MMP2: variants seen among roughly 807,000 people sequenced by gnomAD.
MMP2 encodes 72 kDa type IV collagenase.
A neutral mutation model predicts 74.8 loss-of-function variants in MMP2; 39 were observed. The ratio of observed to expected loss-of-function variants is 0.52; its 90% confidence interval spans 0.40 to 0.68. The LOEUF is 0.68. Ranked by LOEUF, MMP2 falls within the 30% of genes least tolerant of loss-of-function variation. The pLI is 0.00. For synonymous variants in MMP2, 367 were observed against 339.8 expected (o/e 1.08, Z -0.88); for missense variants, 803 against 878.3 (o/e 0.91, Z 1.08).
intron 1 of MMP2, 100 bp downstream of exon 1, chr16:55,479,732 C>T (rs1962049385): frequency 1.3e-6 from 2 of 1,505,480 alleles, no homozygotes; most frequent in South Asian, 1.2e-5. Flanking sequence ...GGGCACACAG[C>T]GTGGGGGAGG....
chr16:55,493,070 G>C, intron 8 of MMP2, 88 bp from the exon 9 acceptor site: 2 of 1,530,040 alleles, frequency 1.3e-6, no homozygotes, highest in East Asian at 2.3e-5. Flanking sequence ...CTGACTCTTA[G>C]ATGGTTGGGT....
At chr16:55,497,427 T>C (rs1342261696) in intron 10 of MMP2, among the ~76,000 whole-genome samples, 1 of 152,216 alleles carries the variant, frequency 6.6e-6, no homozygotes, top group Non-Finnish European at 1.5e-5. Flanking sequence ...AGTTCGAATG[T>C]TTTAAAGAAT....
intron 5 of MMP2, chr16:55,486,761 T>A (rs1469237611): frequency 6.6e-6 from 1 of 152,160 alleles, no homozygotes; most frequent in Non-Finnish European, 1.5e-5. Context: ...AGTCTAAAAA[T>A]TTTTAACACT....
chr16:55,500,249 A>G (rs940220771), intron 11 of MMP2, among the ~76,000 whole-genome samples: 14 of 152,050 alleles, frequency 9.2e-5, no homozygotes, highest in African/African-American at 3.1e-4. Context: ...ACACACACAC[A>G]CGCGTACTGC....
At position 55,506,521 on chromosome 16, in the gene MMP2, A is replaced by G. The variant is rs1475537367; in HGVS notation, c.*1079A>G. The G allele has an allele frequency of 6.6e-6, 1 of 152,222 alleles. No individual in the cohort carries two copies. The highest frequency in any genetic ancestry group is 1.5e-5 in the Non-Finnish European group (1 of 68,044). The allele number at this position is 152,222 out of a possible 1,614,324, so 9.4% of individuals were successfully genotyped here. A position where few individuals can be genotyped will look rare whatever the true frequency, so the allele number is the denominator to read the frequency against. On this transcript the variant is annotated 3_prime_UTR_variant, in exon 13 of 13. Transcript: ENST00000219070. ...CTTTAAGTCTGTTTCTTCATTAGCA[A>G]TCATATCAGTTTTAATGCTACTACT...
rs543065674 is a variant in MMP2 at position 55,488,601 on chromosome 16, C to T, written c.891C>T (p.Phe297=). The stretch of plus-strand genomic sequence containing the variant: ...AGCCCTGCAAGTTTCCATTCCGCTT[C>T]CAGGGCACATCCTATGACAGCTGCA... ...EGQPCKFPFR[F]QGTSYDSCTT... The change falls in exon 6 of 13, where the codon TTC becomes TTT. Residue 297 remains phenylalanine, a synonymous_variant. Coordinates refer to ENST00000219070, the MANE Select transcript of MMP2 (RefSeq NM_004530.6). 1.2e-6 allele frequency: 2 copies of T among 1,613,878 alleles called. No homozygotes were observed. The highest frequency in any genetic ancestry group is 1.7e-6 in the Non-Finnish European group (2 of 1,179,964).
At chr16:55,483,232 G>A (rs1213201839) in intron 2 of MMP2, 97 bp downstream of exon 2, 3 of 962,370 alleles carry the variant, frequency 3.1e-6, no homozygotes, top group South Asian at 1.6e-5. Flanking sequence ...TCCATGAGGT[G>A]TCTTTTGTGA....
rs531132521 is a variant in MMP2, at chr16:55,497,320, G to A, written c.1609+258G>A. Among the ~76,000 whole-genome samples, 10 of 125,606 alleles carry A rather than the reference G, an allele frequency of 8.0e-5. No individual in the cohort carries two copies. The South Asian group carries it at 8.6e-4, about 11-fold the overall frequency. The allele number at this position is 125,606 out of a possible 152,430, so 82.4% of individuals were successfully genotyped here. ...TCATTTTCTTAATTCTTTTCAATCC[G>A]TCTCATTTCTTTTCTAGAAGAAAAA... On this transcript the variant is annotated intron_variant, in intron 10 of 12. Transcript: ENST00000219070.
In MMP2 at chr16:55,505,566, C is replaced by T. The variant is rs961976369; in HGVS notation, c.*124C>T. The T allele has an allele frequency of 8.9e-6, 7 of 786,932 alleles. No individual in the cohort carries two copies. The East Asian group carries it at 1.8e-4, about 20-fold the overall frequency. The allele number at this position is 786,932 out of a possible 1,614,324, so 48.7% of individuals were successfully genotyped here. On this transcript the variant is annotated 3_prime_UTR_variant, in exon 13 of 13. Coordinates refer to ENST00000219070, the MANE Select transcript of MMP2 (RefSeq NM_004530.6). The stretch of plus-strand genomic sequence containing the variant: ...TTCAGCTCTACAGCTAATCAGCATT[C>T]TCACTCCTACCTGGTAATTTAAGAT...
chr16:55,479,469 G>A lies in MMP2; in HGVS notation c.-11G>A, dbSNP rs556985507. On this transcript the variant is annotated 5_prime_UTR_variant, in exon 1 of 13. Transcript: ENST00000219070. ...ACCCCCGGGCGACGCGCGGGGCCAG[G>A]GAGCGCTACGATGGAGGCGCTAATG... 2 of 1,540,334 alleles carry A rather than the reference G, an allele frequency of 1.3e-6. No homozygotes were observed. The highest frequency in any genetic ancestry group is 2.5e-5 in the East Asian group (1 of 40,068).
At chr16:55,483,244 G>T in intron 2 of MMP2, 109 bp downstream of exon 2, 1 of 835,262 alleles carries the variant, frequency 1.2e-6, no homozygotes, top group Admixed American at 2.6e-5. Flanking sequence ...CTTTTGTGAA[G>T]GCTTGACATC....
chr16:55,490,928 T>C (rs1962388206), intron 7 of MMP2, among the ~76,000 whole-genome samples: 1 of 152,080 alleles, frequency 6.6e-6, no homozygotes. Flanking sequence ...ACAAACCCCA[T>C]GTATTCTTTC....
chr16:55,499,670 A>G (rs1962617405), intron 11 of MMP2, among the ~76,000 whole-genome samples: 1 of 152,210 alleles, frequency 6.6e-6, no homozygotes, highest in African/African-American at 2.4e-5. Flanking sequence ...CTAGAAAAGG[A>G]AACGGAGGTC....
chr16:55,481,808 AT>A, intron 1 of MMP2: 1 of 738,076 alleles, frequency 1.4e-6, no homozygotes, highest in South Asian at 1.5e-5. Flanking sequence ...CAGTTTCTTC[AT>A]CTGCAAACTG....
At chr16:55,479,937 T>G (rs1281249278) in intron 1 of MMP2, 3 of 276,792 alleles carry the variant, frequency 1.1e-5, no homozygotes, top group African/African-American at 5.2e-5. Context: ...GGGACTCTTA[T>G]GTAAATAGCG....
chr16:55,485,635 G>A lies in MMP2; in HGVS notation c.690G>A (p.Gly230=), dbSNP rs763005604. ...VVRVKYGNAD[G]EYCKFPFLFN... is the part of the protein sequence containing the mutation. ...GTGTGAAGTATGGGAACGCCGATGG[G>A]GAGTACTGCAAGTTCCCCTTCTTGT... Residue 230 remains glycine (G), a synonymous_variant, in exon 5 of 13, where the codon GGG becomes GGA. Transcript: ENST00000219070. 6.2e-6 allele frequency: 10 copies of A among 1,614,022 alleles called. No individual in the cohort carries two copies. The highest frequency in any genetic ancestry group is 1.3e-5 in the African/African-American group (1 of 74,904).
chr16:55,486,345 GCC>G (rs1491173889), intron 5 of MMP2, among the ~76,000 whole-genome samples: 3,387 of 77,438 alleles, frequency 0.044, 98 homozygotes, highest in African/African-American at 0.11. Flanking sequence ...GTGTGTGTGT[GCC>G]TGTGTGTGTG....
chr16:55,484,338 G>C (rs1962186990), intron 3 of MMP2, among the ~76,000 whole-genome samples, 174 bp downstream of exon 3: 1 of 152,074 alleles, frequency 6.6e-6, no homozygotes, highest in Admixed American at 6.5e-5. Flanking sequence ...GTGGACACTG[G>C]AGAGCCACGT....
rs1962310673 is a variant in MMP2, at chr16:55,488,413, G to A, written c.833-130G>A. 3 of 923,296 alleles carry A rather than the reference G, an allele frequency of 3.2e-6. No individual in the cohort carries two copies. In the Admixed American group the frequency reaches 6.1e-5, roughly 19 times the overall value. The allele number at this position is 923,296 out of a possible 1,614,324, so 57.2% of individuals were successfully genotyped here. A position where few individuals can be genotyped will look rare whatever the true frequency, so the allele number is the denominator to read the frequency against. On this transcript the variant is annotated intron_variant, in intron 5 of 12. Transcript: ENST00000219070. ...AGAAGCAGCTCCTTACCAACCAGTA[G>A]AGATGTTTTCTTAATATTTTAACAA...
Sources: gnomAD v4.1 joint callset for allele counts (sites outside exome capture counted in the v4.1 genomes callset) on GRCh38, gnomAD v4.1.1 for gene constraint, MANE v1.5 for transcripts, NCBI Gene and HGNC (gene_info 2026-07-23, HGNC 2026-07-21) for gene names.